TMPRSS15: variants seen among roughly 807,000 people sequenced by gnomAD.
The protein encoded by TMPRSS15 is transmembrane serine protease 15, also known as enteropeptidase.
In TMPRSS15, 128 loss-of-function variants were observed where a neutral mutation model predicts 125.3. That is an observed-to-expected ratio of 1.02 (90% CI 0.89 to 1.18). The LOEUF is 1.18. TMPRSS15 is among the 50% of genes most tolerant of loss of function. The pLI, the probability that TMPRSS15 is intolerant of heterozygous loss-of-function variation, is 0.00. For missense variants in TMPRSS15, 1,283 were observed against 1,212.7 expected (o/e 1.06, Z -0.86); for synonymous variants, 446 against 423.2 (o/e 1.05, Z -0.66).
chr21:18,305,126 G>A (rs950204983), intron 18 of TMPRSS15, among the ~76,000 whole-genome samples: 5 of 149,856 alleles, frequency 3.3e-5, no homozygotes, highest in Admixed American at 1.3e-4. Context: ...TGGGCCTTAC[G>A]CTAGACTTTT....
chr21:18,270,056 A>G lies in TMPRSS15; in HGVS notation c.2973T>C (p.Phe991=). 2 of 1,614,038 alleles carry G rather than the reference A, an allele frequency of 1.2e-6. No individual in the cohort carries two copies. Among genetic ancestry groups the G allele is most frequent in the Non-Finnish European group, 1.7e-6 (2 of 1,179,920 alleles). Residue 991 remains phenylalanine (F), a synonymous_variant, in exon 25 of 25, where the codon TTT becomes TTC. Coordinates refer to ENST00000284885, the MANE Select transcript of TMPRSS15 (RefSeq NM_002772.3). ...GATTAGGCAGGGCACACTTGTATCC[A>G]AATGAGGTCACACCAGCAAGGAACC... is the stretch of plus-strand genomic sequence containing the variant. The part of the protein sequence containing the change: ...NRWFLAGVTS[F]GYKCALPNRP...
intron 1 of TMPRSS15, among the ~76,000 whole-genome samples, chr21:18,409,863 T>C: frequency 2.8e-5 from 2 of 70,472 alleles, no homozygotes; most frequent in Non-Finnish European, 2.5e-5. Context: ...CTTCCTTCCC[T>C]CCCTCCCTCC....
chr21:18,371,265 T>C (rs1773853526), intron 6 of TMPRSS15, among the ~76,000 whole-genome samples: 1 of 152,202 alleles, frequency 6.6e-6, no homozygotes, highest in Admixed American at 6.5e-5. Flanking sequence ...ACTTATACAT[T>C]GTTTATTTCT....
rs775237545 is a variant in TMPRSS15, at chr21:18,365,145, G to A, written c.768C>T (p.Ile256=). 12 of 1,612,582 alleles carry A rather than the reference G, an allele frequency of 7.4e-6. No individual in the cohort carries two copies. The highest frequency in any genetic ancestry group is 9.3e-6 in the Non-Finnish European group (11 of 1,178,644). ...AATATAAGATCTTGTATTACCGTAT[G>A]ATCCACTGGCAGACAACACTTGTTT... The part of the protein sequence containing the change: ...PSETSVVCQW[I]IRVNQGLSIK... Residue 256 remains isoleucine, a synonymous_variant, in exon 7 of 25, where the codon ATC becomes ATT. Transcript: ENST00000284885.
chr21:18,301,237 G>A (rs1041093584), intron 18 of TMPRSS15, among the ~76,000 whole-genome samples: 14 of 152,118 alleles, frequency 9.2e-5, no homozygotes, highest in African/African-American at 3.4e-4. Flanking sequence ...TGGGATTTGT[G>A]ATGGACTACC....
chr21:18,437,756 C>A (rs948247634), intron 1 of TMPRSS15, among the ~76,000 whole-genome samples: 1 of 152,136 alleles, frequency 6.6e-6, no homozygotes, highest in African/African-American at 2.4e-5. Context: ...CAGAGAAATG[C>A]GAATCAAAAC....
chr21:18,410,256 A>T (rs2076162678), intron 1 of TMPRSS15, among the ~76,000 whole-genome samples: 1 of 151,918 alleles, frequency 6.6e-6, no homozygotes, highest in African/African-American at 2.4e-5. Flanking sequence ...AATCCTGTAC[A>T]AAGGTTCCTT....
At chr21:18,296,660 G>A (rs2824720) in intron 19 of TMPRSS15, among the ~76,000 whole-genome samples, 114,125 of 152,056 alleles carry the variant, frequency 0.75, 42,974 homozygotes, top group Non-Finnish European at 0.79. Flanking sequence ...CCTCTAAGAC[G>A]TGAAAAGAAG....
intron 3 of TMPRSS15, among the ~76,000 whole-genome samples, chr21:18,390,938 C>T (rs1355953286): frequency 6.6e-6 from 1 of 152,106 alleles, no homozygotes; most frequent in African/African-American, 2.4e-5. Flanking sequence ...ACCTTCTTCA[C>T]GTGGTGGCAG....
intron 10 of TMPRSS15, among the ~76,000 whole-genome samples, chr21:18,351,347 TC>T (rs747228069): frequency 1.4e-4 from 21 of 152,312 alleles, no homozygotes; most frequent in Non-Finnish European, 2.2e-4. Context: ...TTAATTACAT[TC>T]ATGCACTGAG....
intron 6 of TMPRSS15, among the ~76,000 whole-genome samples, chr21:18,368,458 A>G (rs907303094): frequency 2.0e-5 from 3 of 152,194 alleles, no homozygotes; most frequent in African/African-American, 7.2e-5. Context: ...GTTTCTGAAC[A>G]TATCTGTAAC....
intron 3 of TMPRSS15, among the ~76,000 whole-genome samples, chr21:18,387,778 A>AC (rs2075958421): frequency 1.3e-5 from 2 of 151,860 alleles, no homozygotes; most frequent in East Asian, 3.9e-4. Flanking sequence ...TCATATACAC[A>AC]TACATGGTGT....
intron 1 of TMPRSS15, among the ~76,000 whole-genome samples, chr21:18,472,329 C>T (rs553748866): frequency 1.3e-5 from 2 of 151,588 alleles, no homozygotes; most frequent in African/African-American, 2.4e-5. Flanking sequence ...ATTAAATAAA[C>T]GTATGTTCTA....
At chr21:18,373,621 T>A (rs998233972) in intron 5 of TMPRSS15, among the ~76,000 whole-genome samples, 1 of 152,204 alleles carries the variant, frequency 6.6e-6, no homozygotes, top group East Asian at 1.9e-4. Context: ...TACTTAAAAC[T>A]GTGTCTTATT....
chr21:18,378,725 T>A (rs2075865718), intron 5 of TMPRSS15, among the ~76,000 whole-genome samples: 1 of 152,036 alleles, frequency 6.6e-6, no homozygotes. Flanking sequence ...AGAGAAGGTA[T>A]TTTAGCTGAT....
At chr21:18,447,595 A>C (rs1441857730) in intron 1 of TMPRSS15, among the ~76,000 whole-genome samples, 3 of 152,058 alleles carry the variant, frequency 2.0e-5, no homozygotes, top group African/African-American at 7.2e-5. Context: ...ACTTGGTGGG[A>C]AGTAATTGAG....
At chr21:18,282,228 C>T (rs1601263358) in intron 21 of TMPRSS15, among the ~76,000 whole-genome samples, 4 of 150,572 alleles carry the variant, frequency 2.7e-5, no homozygotes, top group Middle Eastern at 3.5e-3. Flanking sequence ...AAGGATAACA[C>T]TTGTGTTGTA....
At chr21:18,365,503 G>GCTTC (rs764432753) in intron 6 of TMPRSS15, among the ~76,000 whole-genome samples, 6 of 134,914 alleles carry the variant, frequency 4.4e-5, no homozygotes, top group East Asian at 2.2e-4. Context: ...CTTTTCCCTT[G>GCTTC]CTTCCTTCCT....
intron 1 of TMPRSS15, among the ~76,000 whole-genome samples, chr21:18,482,236 G>T (rs73327815): frequency 0.02 from 3,068 of 151,252 alleles, 120 homozygotes; most frequent in African/African-American, 0.07. Flanking sequence ...CACCAATTTT[G>T]ATGAAATTCC....
Sources: gnomAD v4.1 joint callset for allele counts (sites outside exome capture counted in the v4.1 genomes callset) on GRCh38, gnomAD v4.1.1 for gene constraint, MANE v1.5 for transcripts, NCBI Gene and HGNC (gene_info 2026-07-23, HGNC 2026-07-21) for gene names.